Variants in LAMA2 observed in about 807,000 individuals in gnomAD.
LAMA2 encodes laminin subunit alpha-2.
In LAMA2, 269 loss-of-function variants were observed where a neutral mutation model predicts 364.8. The observed-to-expected ratio is 0.74, with a 90% confidence interval of 0.67 to 0.82. The LOEUF is 0.82. Among genes scored for constraint, LAMA2 ranks in the 40% least tolerant of loss-of-function variants. The pLI is 0.00. For synonymous variants in LAMA2, 1,379 were observed against 1,370.6 expected, an observed-to-expected ratio of 1.01 and a Z score of -0.14; for missense variants, 3,807 against 3,873.2, an observed-to-expected ratio of 0.98 and a Z score of 0.45.
At chr6:128,914,085 A>G (rs1394394365) in intron 1 of LAMA2, among the ~76,000 whole-genome samples, 1 of 152,206 alleles carries the variant, frequency 6.6e-6, no homozygotes, top group Admixed American at 6.5e-5. Context: ...CAAGGTTATT[A>G]ACAGAAATTA....
intron 1 of LAMA2, among the ~76,000 whole-genome samples, chr6:129,010,666 G>T (rs1310953212): frequency 6.6e-6 from 1 of 152,192 alleles, no homozygotes; most frequent in Non-Finnish European, 1.5e-5. Flanking sequence ...GAATTAATGG[G>T]CAGTGGGGAG....
At chr6:129,261,734 C>G (rs1339107514) in intron 15 of LAMA2, among the ~76,000 whole-genome samples, 1 of 152,100 alleles carries the variant, frequency 6.6e-6, no homozygotes, top group Non-Finnish European at 1.5e-5. Context: ...ATAATGCATA[C>G]ATCTAGAGAT....
chr6:129,502,756 C>G lies in LAMA2; in HGVS notation c.8342C>G (p.Thr2781Ser). 1.9e-6 allele frequency: 3 copies of G among 1,610,596 alleles called. No individual in the cohort carries two copies. The highest frequency in any genetic ancestry group is 2.5e-6 in the Non-Finnish European group (3 of 1,176,938). The change falls in exon 59 of 65, where the codon ACC (threonine) becomes AGC (serine). Residue 2781 changes from threonine to serine, a missense_variant. By Grantham distance (58) the Thr-to-Ser change is moderately conservative. Around this residue, in one of 3 missense-constraint regions of LAMA2, gnomAD observed 3,333 missense variants for 3,345.7 expected, o/e 1.00. Coordinates refer to ENST00000421865, the MANE Select transcript of LAMA2 (RefSeq NM_000426.4). ...NSHIAIAFDD[T>S]KVKNRLTIEL... ...CACATTGCAATTGCATTTGATGACA[C>G]CAAAGTTAAAAACCGGTATGTATCA...
chr6:129,167,285 A>G (rs1197486177), intron 9 of LAMA2, among the ~76,000 whole-genome samples: 1 of 149,680 alleles, frequency 6.7e-6, no homozygotes, highest in East Asian at 2.0e-4. Flanking sequence ...AGCATTAGGT[A>G]TATCTCCCAA....
chr6:129,222,527 G>A (rs1783930518), intron 12 of LAMA2, among the ~76,000 whole-genome samples: 1 of 125,134 alleles, frequency 8.0e-6, no homozygotes, highest in Non-Finnish European at 1.6e-5. Context: ...GGTGTGTGAT[G>A]TTCCCCTTCC....
intron 35 of LAMA2, among the ~76,000 whole-genome samples, chr6:129,383,473 C>G (rs571452288): frequency 3.3e-5 from 5 of 152,248 alleles, no homozygotes; most frequent in African/African-American, 1.2e-4. Context: ...GCAGTAAATT[C>G]TTGTAACATG....
intron 1 of LAMA2, among the ~76,000 whole-genome samples, chr6:128,988,903 A>G (rs1422232548): frequency 6.6e-5 from 10 of 152,190 alleles, no homozygotes; most frequent in African/African-American, 2.4e-4. Context: ...GTTAAATGGA[A>G]AAACAGGACA....
At chr6:128,919,620 TGTGG>T (rs1196282810) in intron 1 of LAMA2, among the ~76,000 whole-genome samples, 1 of 152,248 alleles carries the variant, frequency 6.6e-6, no homozygotes, top group Non-Finnish European at 1.5e-5. Flanking sequence ...AAATCATCAC[TGTGG>T]CCTTCTAATG....
chr6:129,040,705 A>G (rs1787026656), intron 1 of LAMA2, among the ~76,000 whole-genome samples: 1 of 152,204 alleles, frequency 6.6e-6, no homozygotes, highest in African/African-American at 2.4e-5. Context: ...AGTGGCCTTC[A>G]GGAGGCAGAA....
chr6:129,231,797 C>T (rs1447982431), intron 12 of LAMA2, among the ~76,000 whole-genome samples: 1 of 151,982 alleles, frequency 6.6e-6, no homozygotes, highest in Non-Finnish European at 1.5e-5. Context: ...TTTGGAGGAA[C>T]ATATGCCCTC....
intron 58 of LAMA2, among the ~76,000 whole-genome samples, chr6:129,499,315 G>A (rs907305380): frequency 2.6e-5 from 4 of 151,842 alleles, no homozygotes; most frequent in East Asian, 1.9e-4. Flanking sequence ...AGATTAGTGC[G>A]TCCAAAACAA....
rs557512479 is a variant in LAMA2, at chr6:129,007,097, G to A, written c.113-42821G>A. Among the ~76,000 whole-genome samples the A allele has an allele frequency of 4.3e-4, 66 of 152,208 alleles. 2 individuals carry two copies. The South Asian group carries it at 0.012, about 29-fold the overall frequency. Reference sequence around the variant, plus strand: ...GTTTAAGTGCCTGTTCCCCATCGTGGCTCCTGAGTAGCTATGCAGAGGGCG... The same window carrying A: ...GTTTAAGTGCCTGTTCCCCATCGTGACTCCTGAGTAGCTATGCAGAGGGCG... On this transcript the variant is annotated intron_variant, in intron 1 of 64. Coordinates refer to ENST00000421865, the MANE Select transcript of LAMA2 (RefSeq NM_000426.4).
intron 21 of LAMA2, among the ~76,000 whole-genome samples, chr6:129,298,893 T>G (rs1423062569): frequency 6.6e-6 from 1 of 152,172 alleles, no homozygotes; most frequent in Non-Finnish European, 1.5e-5. Flanking sequence ...TCTAAGAATC[T>G]GTATATCTCT....
chr6:129,024,664 G>T (rs1743850194), intron 1 of LAMA2, among the ~76,000 whole-genome samples: 1 of 151,954 alleles, frequency 6.6e-6, no homozygotes, highest in Admixed American at 6.6e-5. Context: ...CCAAAGTGCT[G>T]GGATTACAGG....
intron 26 of LAMA2, 28 bp from the exon 27 acceptor site, chr6:129,316,010 T>A (rs376851340): frequency 3.7e-6 from 6 of 1,613,890 alleles, no homozygotes; most frequent in Non-Finnish European, 5.1e-6. Context: ...TTCAGTTTTG[T>A]CATAGTGATT....
chr6:129,276,791 A>AT (rs368648667), intron 17 of LAMA2, among the ~76,000 whole-genome samples: 28 of 151,800 alleles, frequency 1.8e-4, no homozygotes, highest in African/African-American at 6.8e-4. Flanking sequence ...TTTTTTTAGT[A>AT]TTTTTTTCTC....
intron 29 of LAMA2, among the ~76,000 whole-genome samples, chr6:129,341,025 C>T (rs1269854524): frequency 6.6e-6 from 1 of 152,082 alleles, no homozygotes; most frequent in Non-Finnish European, 1.5e-5. Flanking sequence ...CATAGTTTCA[C>T]TGCAAGAAAT....
intron 58 of LAMA2, among the ~76,000 whole-genome samples, chr6:129,496,441 C>T (rs1370236858): frequency 1.3e-5 from 2 of 152,188 alleles, no homozygotes; most frequent in Non-Finnish European, 2.9e-5. Flanking sequence ...GCTGGGATTA[C>T]AGGCATGAGA....
At chr6:129,145,426 A>G (rs773393898) in intron 5 of LAMA2, among the ~76,000 whole-genome samples, 1 of 152,028 alleles carries the variant, frequency 6.6e-6, no homozygotes, top group East Asian at 1.9e-4. Flanking sequence ...AAAACTAATC[A>G]TTATTTTATA....
Sources: allele counts gnomAD v4.1 joint callset (sites outside exome capture counted in the v4.1 genomes callset), GRCh38; gene constraint gnomAD v4.1.1; regional missense constraint gnomAD v4.1.1; transcripts MANE v1.5; gene names NCBI Gene and HGNC (gene_info 2026-07-23, HGNC 2026-07-21).